Variants in SYT9 observed in about 807,000 individuals in gnomAD.
The protein encoded by SYT9 is synaptotagmin 9, also known as synaptotagmin-9.
SYT9 carries 22 observed loss-of-function variants against 48.4 expected under a neutral mutation model. That is an observed-to-expected ratio of 0.45 (90% CI 0.32 to 0.65). The LOEUF (loss-of-function observed/expected upper bound fraction) is 0.65, where lower values mean the gene tolerates loss of function less well. Ranked by LOEUF, SYT9 falls within the 30% of genes least tolerant of loss-of-function variation. The probability of loss-of-function intolerance (pLI) is 0.03; values close to 1 mark genes in which losing one functional copy is unlikely to be tolerated. For synonymous variants in SYT9, 265 were observed against 245.0 expected (o/e 1.08, Z -0.76); for missense variants, 577 against 622.0 (o/e 0.93, Z 0.77).
chr11:7,355,593 GT>G (rs1224833096), intron 3 of SYT9, among the ~76,000 whole-genome samples: 21 of 152,298 alleles, frequency 1.4e-4, no homozygotes, highest in African/African-American at 4.6e-4. Context: ...TGCAGTTATT[GT>G]CTGATCCATT....
chr11:7,415,785 T>C (rs1847233518), intron 3 of SYT9, among the ~76,000 whole-genome samples: 1 of 152,120 alleles, frequency 6.6e-6, no homozygotes, highest in African/African-American at 2.4e-5. Context: ...GGTGACTGGA[T>C]ACATGGTGGC....
At chr11:7,321,819 G>C (rs1272679461) in intron 3 of SYT9, among the ~76,000 whole-genome samples, 1 of 152,228 alleles carries the variant, frequency 6.6e-6, no homozygotes, top group Non-Finnish European at 1.5e-5. Flanking sequence ...GAAAGGGTCA[G>C]TAACTTCTGA....
At chr11:7,399,428 A>G (rs1253320414) in intron 3 of SYT9, among the ~76,000 whole-genome samples, 1 of 152,220 alleles carries the variant, frequency 6.6e-6, no homozygotes, top group African/African-American at 2.4e-5. Context: ...ACAAGCAAAG[A>G]TCTATCATGA....
intron 6 of SYT9, among the ~76,000 whole-genome samples, chr11:7,452,118 A>AACACACACACAC (rs142000557): frequency 0.014 from 2,025 of 147,602 alleles, 26 homozygotes; most frequent in African/African-American, 0.038. Flanking sequence ...TTATATTTAA[A>AACACACACACAC]ACACACACAC....
chr11:7,447,323 C>T (rs766090320), intron 6 of SYT9, among the ~76,000 whole-genome samples: 2 of 152,176 alleles, frequency 1.3e-5, no homozygotes, highest in Non-Finnish European at 2.9e-5. Flanking sequence ...AGAGGGCACA[C>T]AGAGGCCTTC....
chr11:7,314,389 G>A, intron 3 of SYT9: 1 of 276,750 alleles, frequency 3.6e-6, no homozygotes, highest in South Asian at 3.4e-5. Context: ...TCCCATGATT[G>A]GATCCTCAGC....
chr11:7,369,420 C>G (rs182037672), intron 3 of SYT9, among the ~76,000 whole-genome samples: 10 of 151,982 alleles, frequency 6.6e-5, no homozygotes, highest in African/African-American at 2.4e-4. Flanking sequence ...TTCTCCCATT[C>G]TGTAGGTTGC....
At chr11:7,274,447 G>C (rs919236197) in intron 1 of SYT9, among the ~76,000 whole-genome samples, 8 of 151,668 alleles carry the variant, frequency 5.3e-5, no homozygotes, top group Admixed American at 5.3e-4. Context: ...CTCCCGAGTA[G>C]CTGGGATTAC....
At chr11:7,391,735 TAAAAAAAA>T (rs71059104) in intron 3 of SYT9, among the ~76,000 whole-genome samples, 18 of 35,950 alleles carry the variant, frequency 5.0e-4, no homozygotes, top group Non-Finnish European at 8.0e-4. Context: ...ACCCCATCTC[TAAAAAAAA>T]AAAAAAAAAA....
chr11:7,348,621 G>A (rs1175611801), intron 3 of SYT9, among the ~76,000 whole-genome samples: 1 of 140,798 alleles, frequency 7.1e-6, no homozygotes, highest in Non-Finnish European at 1.5e-5. Flanking sequence ...CACTCCCTCA[G>A]CATTCTCAAT....
At chr11:7,379,447 G>C (rs1392084631) in intron 3 of SYT9, among the ~76,000 whole-genome samples, 1 of 151,994 alleles carries the variant, frequency 6.6e-6, no homozygotes, top group South Asian at 2.1e-4. Context: ...TGGTCTCTCA[G>C]TCTCCGTATC....
At chr11:7,295,447 A>G (rs1848782488) in intron 1 of SYT9, among the ~76,000 whole-genome samples, 1 of 152,142 alleles carries the variant, frequency 6.6e-6, no homozygotes, top group South Asian at 2.1e-4. Flanking sequence ...CTGAGACTTT[A>G]TCAGAATGGT....
chr11:7,417,628 G>A (rs1021813626), intron 4 of SYT9, among the ~76,000 whole-genome samples: 6 of 152,206 alleles, frequency 3.9e-5, no homozygotes. Context: ...CCTTGGAAAT[G>A]CTGGTGCATT....
At chr11:7,295,163 T>A (rs1015614762) in intron 1 of SYT9, among the ~76,000 whole-genome samples, 4 of 152,246 alleles carry the variant, frequency 2.6e-5, no homozygotes, top group African/African-American at 7.2e-5. Context: ...CTCATTCTGT[T>A]TTGCTTAACA....
chr11:7,320,022 T>C (rs1048203351), intron 3 of SYT9, among the ~76,000 whole-genome samples: 1 of 152,166 alleles, frequency 6.6e-6, no homozygotes, highest in Admixed American at 6.5e-5. Flanking sequence ...GCTATATGGC[T>C]CAAAGCTTAT....
intron 6 of SYT9, among the ~76,000 whole-genome samples, chr11:7,461,791 T>C (rs762770110): frequency 9.2e-5 from 14 of 152,378 alleles, no homozygotes; most frequent in Non-Finnish European, 1.9e-4. Context: ...TCCTCCACTT[T>C]ACTTCATCAG....
intron 3 of SYT9, among the ~76,000 whole-genome samples, chr11:7,374,123 C>T (rs1205984584): frequency 6.6e-6 from 1 of 152,032 alleles, no homozygotes; most frequent in Non-Finnish European, 1.5e-5. Flanking sequence ...TCCCTGTGCC[C>T]ATATGTTCTC....
chr11:7,246,207 T>G (rs371728043), intron 1 of SYT9, among the ~76,000 whole-genome samples: 14 of 152,218 alleles, frequency 9.2e-5, no homozygotes, highest in African/African-American at 3.1e-4. Flanking sequence ...AGACTTTGAT[T>G]CCTTCTGCCA....
rs568163753 is a variant in SYT9 at position 7,453,808 on chromosome 11, A to C, written c.1468-12984A>C. ...GCCTGTCCAGAAGTAGAGAGGAGGC[A>C]GGTGTGGCCAGGACCATGAGCAACG... On this transcript the variant is annotated intron_variant, in intron 6 of 6. Coordinates refer to ENST00000318881, the MANE Select transcript of SYT9 (RefSeq NM_175733.4). Among the ~76,000 whole-genome samples, 364 of 152,310 alleles carry C rather than the reference A, an allele frequency of 2.4e-3. 1 individual carries two copies. Among genetic ancestry groups the C allele is most frequent in the Non-Finnish European group, 1.5e-3 (99 of 68,026 alleles).
Sources: allele counts gnomAD v4.1 joint callset (sites outside exome capture counted in the v4.1 genomes callset), GRCh38; gene constraint gnomAD v4.1.1; transcripts MANE v1.5; gene names NCBI Gene and HGNC (gene_info 2026-07-23, HGNC 2026-07-21).